Variants in NR1D2 observed in about 807,000 individuals in gnomAD.
NR1D2 encodes the protein nuclear receptor subfamily 1 group D member 2.
Under a neutral mutation model 52.2 loss-of-function variants are expected in NR1D2, and 25 were observed. The ratio of observed to expected loss-of-function variants is 0.48; its 90% CI spans 0.35 to 0.67. The LOEUF is 0.67. Among genes scored for constraint, NR1D2 ranks in the 30% least tolerant of loss-of-function variants. The pLI, the probability that NR1D2 is intolerant of heterozygous loss-of-function variation, is 0.01. For missense variants in NR1D2, 681 were observed against 707.2 expected, an observed-to-expected ratio of 0.96 and a Z score of 0.42; for synonymous variants, 259 against 230.1, an observed-to-expected ratio of 1.13 and a Z score of -1.14.
chr3:23,975,852 T>A (rs1706710422), intron 7 of NR1D2, among the ~76,000 whole-genome samples: 1 of 152,258 alleles, frequency 6.6e-6, no homozygotes, highest in Admixed American at 6.5e-5. Flanking sequence ...TTTTAGTCCT[T>A]GTTTTAAGTG....
chr3:23,961,621 C>G (rs967989380), intron 4 of NR1D2, among the ~76,000 whole-genome samples: 4 of 151,912 alleles, frequency 2.6e-5, no homozygotes, highest in African/African-American at 9.7e-5. Flanking sequence ...GTTTCGAATT[C>G]CTGACCTCAG....
In NR1D2 at chr3:23,979,084, C is replaced by T. The variant is rs1323178635; in HGVS notation, c.*1665C>T. The T allele has an allele frequency of 6.6e-6, 1 of 152,022 alleles. No homozygotes were observed. The highest frequency in any genetic ancestry group is 1.9e-4 in the East Asian group (1 of 5,198). The allele number at this position is 152,022 out of a possible 1,614,324, so 9.4% of individuals were successfully genotyped here. On this transcript the variant is annotated 3_prime_UTR_variant, in exon 8 of 8. Transcript: ENST00000312521. Reference sequence around the variant, plus strand: ...TGTACTAAGCCTGTTACTTTCATGACGTGTGAGCAGAATGCCTTATTTTGT... The same window carrying T: ...TGTACTAAGCCTGTTACTTTCATGATGTGTGAGCAGAATGCCTTATTTTGT...
intron 1 of NR1D2, among the ~76,000 whole-genome samples, chr3:23,945,814 CGCCCG>C (rs1345887297): frequency 6.6e-6 from 1 of 150,558 alleles, no homozygotes; most frequent in South Asian, 2.1e-4. Flanking sequence ...GGCCTGCCGG[CGCCCG>C]GCCCGGCCCC....
At chr3:23,958,453 TG>T in intron 3 of NR1D2, among the ~76,000 whole-genome samples, 1 of 152,138 alleles carries the variant, frequency 6.6e-6, no homozygotes, top group East Asian at 1.9e-4. Context: ...GAGACCCACC[TG>T]GGCAACATAG....
rs1706831765 is a variant in NR1D2 at position 23,979,840 on chromosome 3, A to G, written c.*2421A>G. Reference sequence around the variant, plus strand: ...CTGAGTTGGTGGGACACTGTTGATTAATAATGTACTGTATGAATTAAGTGA... The same window carrying G: ...CTGAGTTGGTGGGACACTGTTGATTGATAATGTACTGTATGAATTAAGTGA... On this transcript the variant is annotated 3_prime_UTR_variant, in exon 8 of 8. Transcript: ENST00000312521. 6.6e-6 allele frequency: 1 copy of G among 152,158 alleles called. No homozygotes were observed. Among genetic ancestry groups the G allele is most frequent in the South Asian group, 2.1e-4 (1 of 4,828 alleles). 9.4% of individuals were successfully genotyped at this position (152,158 alleles called of 1,614,324 possible).
rs550729482 is a variant in NR1D2 at position 23,961,510 on chromosome 3, C to G, written c.518-467C>G. Among the ~76,000 whole-genome samples the G allele has an allele frequency of 2.0e-5, 3 of 150,824 alleles. No individual in the cohort carries two copies. In the South Asian group the frequency reaches 6.3e-4, roughly 32 times the overall value. ...TCCTGGGTTCAAGCGATTCTCCTGC[C>G]TCAGTCTCCAGAATAGCTGGGACTA... On this transcript the variant is annotated intron_variant, in intron 4 of 7. Coordinates refer to ENST00000312521, the MANE Select transcript of NR1D2 (RefSeq NM_005126.5).
chr3:23,974,602 C>T (rs981844151), intron 7 of NR1D2, among the ~76,000 whole-genome samples: 6 of 152,030 alleles, frequency 3.9e-5, no homozygotes, highest in Non-Finnish European at 8.8e-5. Flanking sequence ...AAATGTTTGG[C>T]AAACGATTTC....
At position 23,946,030 on chromosome 3, in the gene NR1D2, G is replaced by GGC. The variant is rs561849691; in HGVS notation, c.16+451_16+452dup. 4.6e-3 allele frequency: 3,849 copies of GGC among 845,244 alleles called. 20 individuals are homozygous for GGC. Among genetic ancestry groups the GGC allele is most frequent in the African/African-American group, 0.023 (1,246 of 54,380 alleles). 52.4% of individuals were successfully genotyped at this position (845,244 alleles called of 1,614,324 possible). ...GGCCGCAGGGACACGTGGGGGCGGGGGCGCGCGCGCGCGCGCTGGCTGGGA... is the reference window on the plus strand; with the variant it reads ...GGCCGCAGGGACACGTGGGGGCGGGGGCGCGCGCGCGCGCGCGCTGGCTGGGA... On this transcript the variant is annotated intron_variant, in intron 1 of 7. Transcript: ENST00000312521.
Position 23,961,960 on chromosome 3 carries a change from A to G in NR1D2, c.518-17A>G, listed in dbSNP as rs868465191. Reference sequence around the variant, plus strand: ...CTTATTTAGAATATAGACGTTAAATATCTTTTTCTTCAATAGCTGTTCGGT... The same window carrying G: ...CTTATTTAGAATATAGACGTTAAATGTCTTTTTCTTCAATAGCTGTTCGGT... On this transcript the variant is annotated splice_polypyrimidine_tract_variant and intron_variant, in intron 4 of 7. Transcript: ENST00000312521. 2 of 1,563,920 alleles carry G rather than the reference A, an allele frequency of 1.3e-6. No individual in the cohort carries two copies. Among genetic ancestry groups the G allele is most frequent in the Middle Eastern group, 3.5e-4 (2 of 5,794 alleles).
chr3:23,975,953 A>T (rs1325883489), intron 7 of NR1D2, among the ~76,000 whole-genome samples: 2 of 152,210 alleles, frequency 1.3e-5, no homozygotes, highest in Non-Finnish European at 2.9e-5. Context: ...ATGAATGGCC[A>T]GAAGTTTTGA....
intron 5 of NR1D2, chr3:23,964,720 G>A (rs1490485983): frequency 6.0e-6 from 2 of 330,664 alleles, no homozygotes; most frequent in Non-Finnish European, 1.1e-5. Flanking sequence ...ACAGGTGTTT[G>A]AAATAGCTTG....
At chr3:23,946,094 C>T (rs1249279598) in intron 1 of NR1D2, 2 of 984,708 alleles carry the variant, frequency 2.0e-6, no homozygotes, top group African/African-American at 1.8e-5. Flanking sequence ...CCTTTGGAAG[C>T]CTCGGGGCAG....
chr3:23,948,130 AAAG>A (rs1705816536), intron 1 of NR1D2, among the ~76,000 whole-genome samples: 1 of 152,108 alleles, frequency 6.6e-6, no homozygotes, highest in Non-Finnish European at 1.5e-5. Flanking sequence ...AAAAAAAAAA[AAAG>A]CCTTTTAACT....
chr3:23,968,965 C>G (rs866440280), intron 7 of NR1D2, among the ~76,000 whole-genome samples: 3 of 152,088 alleles, frequency 2.0e-5, no homozygotes, highest in Non-Finnish European at 1.5e-5. Context: ...TGTAGCTAAA[C>G]CATAAATTAG....
chr3:23,967,151 C>T (rs767371812), intron 6 of NR1D2, among the ~76,000 whole-genome samples: 4 of 152,256 alleles, frequency 2.6e-5, no homozygotes, highest in African/African-American at 7.2e-5. Flanking sequence ...CATGGTGAAA[C>T]CCCATCTCTA....
Position 23,977,293 on chromosome 3 carries a change from C to A in NR1D2, c.1614C>A (p.Thr538=), listed in dbSNP as rs2125300767. The A allele has an allele frequency of 1.2e-6, 2 of 1,613,262 alleles. No individual in the cohort carries two copies. The highest frequency in any genetic ancestry group is 2.2e-5 in the South Asian group (2 of 91,030). ...AAACTCTCATTCGTGCACTAAGGAC[C>A]TTAATAATGAAAAACCATCCAAATG... ...LQETLIRALR[T]LIMKNHPNEA... is the part of the protein sequence containing the mutation. The change falls in exon 8 of 8, where the codon ACC becomes ACA. Residue 538 remains threonine (T), a synonymous_variant. Transcript: ENST00000312521.
At chr3:23,960,015 C>A in intron 4 of NR1D2, 200 bp downstream of exon 4, 1 of 389,164 alleles carries the variant, frequency 2.6e-6, no homozygotes, top group Non-Finnish European at 4.4e-6. Flanking sequence ...CAGTTTTTGG[C>A]TAAACTTCTG....
At chr3:23,952,590 G>A (rs1445872180) in intron 1 of NR1D2, among the ~76,000 whole-genome samples, 3 of 151,946 alleles carry the variant, frequency 2.0e-5, no homozygotes, top group African/African-American at 7.3e-5. Flanking sequence ...ACCAGGCGTG[G>A]TGGCGGGCGC....
intron 1 of NR1D2, among the ~76,000 whole-genome samples, chr3:23,945,927 T>C (rs1705674001): frequency 6.8e-6 from 1 of 147,480 alleles, no homozygotes. Context: ...TGACGCGGCA[T>C]TACATAATGG....
Sources: allele counts gnomAD v4.1 joint callset (sites outside exome capture counted in the v4.1 genomes callset), GRCh38; gene constraint gnomAD v4.1.1; transcripts MANE v1.5; gene names NCBI Gene and HGNC (gene_info 2026-07-23, HGNC 2026-07-21).